The following RNF220 variants were observed in gnomAD, a reference collection of about 807,000 sequenced individuals.
The protein encoded by RNF220 is E3 ubiquitin-protein ligase RNF220.
RNF220 carries 7 observed loss-of-function variants against 67.1 expected under a neutral mutation model. That is an observed-to-expected ratio of 0.10 (90% CI 0.06 to 0.20). The LOEUF (loss-of-function observed/expected upper bound fraction) is 0.20, where lower values mean the gene tolerates loss of function less well. RNF220 is among the 10% of genes least tolerant of loss of function. RNF220 has a pLI of 1.00. For missense variants in RNF220, 565 were observed against 740.3 expected (o/e 0.76, Z 2.75); for synonymous variants, 270 against 283.2 (o/e 0.95, Z 0.47).
At chr1:44,495,545 T>TA (rs1207459312) in intron 2 of RNF220, among the ~76,000 whole-genome samples, 1 of 152,150 alleles carries the variant, frequency 6.6e-6, no homozygotes, top group Non-Finnish European at 1.5e-5. Flanking sequence ...GCAGGAGACC[T>TA]AAAAAATGAA....
At chr1:44,409,215 T>G (rs534296005) in intron 1 of RNF220, among the ~76,000 whole-genome samples, 4 of 150,134 alleles carry the variant, frequency 2.7e-5, no homozygotes, top group African/African-American at 1.0e-4. Flanking sequence ...CTCCCACAGA[T>G]ACGGAACTGA....
Position 44,417,740 on chromosome 1 carries a change from AT to A in RNF220, c.625+5020del, listed in dbSNP as rs1336705594. Among the ~76,000 whole-genome samples the A allele has an allele frequency of 6.6e-6, 1 of 152,090 alleles. No homozygotes were observed. Among genetic ancestry groups the A allele is most frequent in the Admixed American group, 6.5e-5 (1 of 15,280 alleles). On this transcript the variant is annotated intron_variant, in intron 2 of 14. Transcript: ENST00000361799. The surrounding 1 kb of genome is among the most constrained non-coding windows in gnomAD (Gnocchi z 4.0). ...GCTGCCGGCAGAAGGGTGGCTGGTA[AT>A]TGATCTTCTGGGGGAGGGGGCGCGG...
chr1:44,570,050 CACAA>C (rs1664324193), intron 2 of RNF220, among the ~76,000 whole-genome samples: 2 of 152,118 alleles, frequency 1.3e-5, no homozygotes, highest in East Asian at 3.9e-4. Context: ...GCCTTTGCAG[CACAA>C]AGGAAGGAGT....
At chr1:44,468,090 A>G (rs1461829365) in intron 2 of RNF220, among the ~76,000 whole-genome samples, 2 of 138,730 alleles carry the variant, frequency 1.4e-5, no homozygotes, top group African/African-American at 5.3e-5. Context: ...TCAAAGATCA[A>G]GAATTACCAA....
At chr1:44,569,952 C>G (rs1664314831) in intron 2 of RNF220, among the ~76,000 whole-genome samples, 1 of 152,126 alleles carries the variant, frequency 6.6e-6, no homozygotes, top group Non-Finnish European at 1.5e-5. Context: ...GTTCTAGGTG[C>G]TGTGAGCTCC....
chr1:44,517,861 C>G (rs1410343113), intron 2 of RNF220, among the ~76,000 whole-genome samples: 4 of 152,112 alleles, frequency 2.6e-5, no homozygotes, highest in Admixed American at 6.5e-5. Context: ...AATCCCAGCA[C>G]TTTGGGAGGC....
intron 5 of RNF220, among the ~76,000 whole-genome samples, chr1:44,631,249 G>T (rs1025546457): frequency 1.1e-4 from 16 of 152,378 alleles, no homozygotes; most frequent in African/African-American, 3.4e-4. Context: ...ACAAGGCAAA[G>T]CTATTTTTCA....
intron 6 of RNF220, among the ~76,000 whole-genome samples, chr1:44,634,721 G>T (rs971877766): frequency 1.3e-4 from 20 of 152,238 alleles, no homozygotes; most frequent in African/African-American, 4.8e-4. Context: ...GAGCTAATTA[G>T]AAATGATTGC....
intron 1 of RNF220, 82 bp from the exon 2 acceptor site, chr1:44,411,899 G>A (rs1557898162): frequency 1.7e-6 from 1 of 591,548 alleles, no homozygotes; most frequent in Non-Finnish European, 3.0e-6. Context: ...GAAGGATGGT[G>A]TTTCGATCAC....
chr1:44,479,112 T>C (rs1655557932), intron 2 of RNF220, among the ~76,000 whole-genome samples: 1 of 147,524 alleles, frequency 6.8e-6, no homozygotes, highest in African/African-American at 2.6e-5. Flanking sequence ...TCACAAACTT[T>C]GTGGATTTTT....
chr1:44,558,977 ATTGT>A (rs1214420236), intron 2 of RNF220, among the ~76,000 whole-genome samples: 2 of 152,192 alleles, frequency 1.3e-5, no homozygotes, highest in African/African-American at 4.8e-5. Context: ...TGTTTAGGCA[ATTGT>A]TTGTGTAATG....
intron 2 of RNF220, among the ~76,000 whole-genome samples, chr1:44,453,277 T>C (rs914496214): frequency 6.6e-5 from 10 of 152,172 alleles, no homozygotes; most frequent in Admixed American, 6.5e-4. Flanking sequence ...TATTTCTTTG[T>C]GATGGTCTTT....
chr1:44,535,140 T>C (rs1291952688), intron 2 of RNF220, among the ~76,000 whole-genome samples: 2 of 144,382 alleles, frequency 1.4e-5, no homozygotes, highest in Admixed American at 1.4e-4. Flanking sequence ...TTCTTCTTTT[T>C]TTTTTTTTTT....
At chr1:44,405,605 C>G (rs911117540) in intron 1 of RNF220, 75 bp downstream of exon 1, 1 of 291,520 alleles carries the variant, frequency 3.4e-6, no homozygotes, top group African/African-American at 2.2e-5. Context: ...CCGGCTTGTT[C>G]AGGAACCTGG....
intron 2 of RNF220, among the ~76,000 whole-genome samples, chr1:44,454,841 T>C (rs1653021989): frequency 6.6e-6 from 1 of 152,182 alleles, no homozygotes; most frequent in African/African-American, 2.4e-5. Context: ...GCCTCTTCTC[T>C]CCTGGCATCT....
intron 2 of RNF220, among the ~76,000 whole-genome samples, chr1:44,468,366 C>A (rs1654472097): frequency 6.6e-6 from 1 of 152,078 alleles, no homozygotes; most frequent in South Asian, 2.1e-4. Flanking sequence ...GGAAAGGTCT[C>A]TGATATATCT....
chr1:44,495,854 C>G (rs1657296362), intron 2 of RNF220, among the ~76,000 whole-genome samples: 1 of 152,210 alleles, frequency 6.6e-6, no homozygotes, highest in Non-Finnish European at 1.5e-5. Flanking sequence ...TTGCTCCCTG[C>G]TGTATCCCAG....
At chr1:44,490,720 AAAAAGGAAAT>A (rs1177487119) in intron 2 of RNF220, among the ~76,000 whole-genome samples, 2 of 152,172 alleles carry the variant, frequency 1.3e-5, no homozygotes, top group Admixed American at 1.3e-4. Context: ...AGCAAGCAGA[AAAAAGGAAAT>A]AAAGATGAGA....
intron 2 of RNF220, among the ~76,000 whole-genome samples, chr1:44,464,443 C>T (rs1046450234): frequency 6.6e-6 from 1 of 152,194 alleles, no homozygotes; most frequent in Non-Finnish European, 1.5e-5. Flanking sequence ...AAAATCTCTA[C>T]TTGCATTATA....
Sources: gnomAD v4.1 joint callset for allele counts (sites outside exome capture counted in the v4.1 genomes callset) on GRCh38, gnomAD v4.1.1 for gene constraint, Gnocchi (gnomAD v3.1) non-coding constraint, MANE v1.5 for transcripts, NCBI Gene and HGNC (gene_info 2026-07-23, HGNC 2026-07-21) for gene names.